The following MSRA variants were observed in gnomAD, a reference collection of about 807,000 sequenced individuals.
MSRA encodes mitochondrial peptide methionine sulfoxide reductase.
A neutral mutation model predicts 31.3 loss-of-function variants in MSRA; 54 were observed. The observed-to-expected ratio is 1.73, with a 90% CI of 1.39 to 2.17. MSRA has a LOEUF of 2.17. Ranked by LOEUF, MSRA falls within the 30% of genes most tolerant of loss-of-function variation. The pLI is 0.00. For missense variants in MSRA, 507 were observed against 300.9 expected (o/e 1.69, Z -5.07); for synonymous variants, 169 against 116.5 (o/e 1.45, Z -2.90).
At chr8:10,350,219 C>G (rs753903521) in intron 5 of MSRA, among the ~76,000 whole-genome samples, 1 of 152,362 alleles carries the variant, frequency 6.6e-6, no homozygotes, top group South Asian at 2.1e-4. Context: ...ACAAAGACAC[C>G]TGCTTTGCAG....
At chr8:10,373,867 G>A (rs780768691) in intron 5 of MSRA, among the ~76,000 whole-genome samples, 12 of 152,220 alleles carry the variant, frequency 7.9e-5, no homozygotes, top group Non-Finnish European at 1.5e-4. Context: ...GAGGTGAGAA[G>A]TGCGGTGTCT....
intron 1 of MSRA, among the ~76,000 whole-genome samples, chr8:10,066,517 C>T (rs551759373): frequency 6.6e-6 from 1 of 152,226 alleles, no homozygotes; most frequent in East Asian, 1.9e-4. Context: ...CATAATATCT[C>T]CAGTTCAGCT....
chr8:10,334,583 C>T (rs1563363197), intron 5 of MSRA, among the ~76,000 whole-genome samples: 1 of 152,272 alleles, frequency 6.6e-6, no homozygotes, highest in East Asian at 1.9e-4. Flanking sequence ...CCGGCCTGCG[C>T]CTGCACGGCC....
intron 1 of MSRA, among the ~76,000 whole-genome samples, chr8:10,097,812 C>A (rs1367218581): frequency 1.3e-5 from 2 of 151,994 alleles, no homozygotes; most frequent in Non-Finnish European, 2.9e-5. Flanking sequence ...TCAGAATATA[C>A]CTTAAGAAAT....
intron 3 of MSRA, among the ~76,000 whole-genome samples, chr8:10,301,018 C>T (rs1305030391): frequency 6.6e-6 from 1 of 152,130 alleles, no homozygotes; most frequent in African/African-American, 2.4e-5. Flanking sequence ...CCAGTGTTAA[C>T]AGCACAGCAC....
intron 5 of MSRA, among the ~76,000 whole-genome samples, chr8:10,347,932 C>T (rs1460526689): frequency 6.6e-6 from 1 of 152,212 alleles, no homozygotes; most frequent in East Asian, 1.9e-4. Flanking sequence ...GTGATCGATG[C>T]AGATGTCTTC....
chr8:10,335,642 G>C (rs1353862738), intron 5 of MSRA, among the ~76,000 whole-genome samples: 1 of 152,036 alleles, frequency 6.6e-6, no homozygotes. Flanking sequence ...TACCTGCCTC[G>C]GGCTCTCTTC....
intron 4 of MSRA, among the ~76,000 whole-genome samples, chr8:10,313,096 C>T (rs1801523948): frequency 1.3e-5 from 2 of 152,284 alleles, no homozygotes; most frequent in South Asian, 4.1e-4. Flanking sequence ...GGACACCATT[C>T]CTCTTCTCCC....
chr8:10,176,813 C>G (rs1806096233), intron 1 of MSRA, among the ~76,000 whole-genome samples: 1 of 152,202 alleles, frequency 6.6e-6, no homozygotes, highest in South Asian at 2.1e-4. Flanking sequence ...CCATCACTCT[C>G]AGAAGTGTTA....
intron 5 of MSRA, among the ~76,000 whole-genome samples, chr8:10,350,006 C>T (rs941854439): frequency 1.3e-5 from 2 of 152,260 alleles, no homozygotes; most frequent in African/African-American, 2.4e-5. Context: ...CTTGGTTAAA[C>T]AGGCCTCCCT....
At chr8:10,169,104 G>A (rs183943179) in intron 1 of MSRA, among the ~76,000 whole-genome samples, 1 of 152,150 alleles carries the variant, frequency 6.6e-6, no homozygotes, top group Non-Finnish European at 1.5e-5. Flanking sequence ...TCTCAAGTTG[G>A]CACAGTTATG....
intron 1 of MSRA, among the ~76,000 whole-genome samples, chr8:10,188,113 A>G (rs944627487): frequency 2.0e-5 from 3 of 152,252 alleles, no homozygotes; most frequent in Non-Finnish European, 4.4e-5. Flanking sequence ...AAAATCGTAC[A>G]TAGTTCCAAT....
chr8:10,115,621 C>T (rs1800619691), intron 1 of MSRA, among the ~76,000 whole-genome samples: 2 of 152,190 alleles, frequency 1.3e-5, no homozygotes, highest in Non-Finnish European at 2.9e-5. Flanking sequence ...TGGTCAGAAC[C>T]AGTGGCGCTT....
In MSRA at chr8:10,111,390, T is replaced by C. The variant is rs143908061; in HGVS notation, c.142+56732T>C. Among the ~76,000 whole-genome samples the C allele has an allele frequency of 6.3e-3, 963 of 152,312 alleles. 10 individuals carry two copies. Among genetic ancestry groups the C allele is most frequent in the African/African-American group, 0.021 (884 of 41,568 alleles). ...GTCTTCTCTCTCTTGGGGCCACTTA[T>C]TCTTGTCTTGTTTGTGAAAGCCAAA... On this transcript the variant is annotated intron_variant, in intron 1 of 5. Coordinates refer to ENST00000317173, the MANE Select transcript of MSRA (RefSeq NM_012331.5).
rs376164693 is a variant in MSRA at position 10,217,800 on chromosome 8, C to A, written c.211+9899C>A. Among the ~76,000 whole-genome samples, 168 of 152,220 alleles carry A rather than the reference C, an allele frequency of 1.1e-3. 1 individual carries two copies. The highest frequency in any genetic ancestry group is 3.7e-3 in the African/African-American group (154 of 41,522). Reference sequence around the variant, plus strand: ...AATATCATCAAATCTCCAGTGAGTCCATTTCCCCTGTTGCCTCATAAATGT... The same window carrying A: ...AATATCATCAAATCTCCAGTGAGTCAATTTCCCCTGTTGCCTCATAAATGT... On this transcript the variant is annotated intron_variant, in intron 2 of 5. Coordinates refer to ENST00000317173, the MANE Select transcript of MSRA (RefSeq NM_012331.5).
chr8:10,232,267 T>G (rs1321019626), intron 2 of MSRA, among the ~76,000 whole-genome samples: 2 of 152,242 alleles, frequency 1.3e-5, no homozygotes, highest in African/African-American at 2.4e-5. Flanking sequence ...CCTGTTGGTT[T>G]CCACTCTGAC....
At chr8:10,376,053 C>T (rs941253550) in intron 5 of MSRA, among the ~76,000 whole-genome samples, 14 of 152,128 alleles carry the variant, frequency 9.2e-5, no homozygotes, top group Admixed American at 2.6e-4. Flanking sequence ...GGGAAGATTG[C>T]GTCTTCGTGC....
chr8:10,384,679 C>G (rs900949199), intron 5 of MSRA, among the ~76,000 whole-genome samples: 31 of 152,124 alleles, frequency 2.0e-4, no homozygotes, highest in African/African-American at 7.5e-4. Context: ...AGCGGAAGGA[C>G]TCAGATTGGA....
At chr8:10,357,779 G>C (rs1361732919) in intron 5 of MSRA, among the ~76,000 whole-genome samples, 1 of 152,246 alleles carries the variant, frequency 6.6e-6, no homozygotes, top group Non-Finnish European at 1.5e-5. Flanking sequence ...ACCATACAAT[G>C]TGTAGTGCGT....
Sources: allele counts gnomAD v4.1 joint callset (sites outside exome capture counted in the v4.1 genomes callset), GRCh38; gene constraint gnomAD v4.1.1; transcripts MANE v1.5; gene names NCBI Gene and HGNC (gene_info 2026-07-23, HGNC 2026-07-21).